The following ACTB variants were observed in gnomAD, a reference collection of about 807,000 sequenced individuals.
ACTB encodes actin beta.
A neutral mutation model predicts 30.5 loss-of-function variants in ACTB; 2 were observed. That is an observed-to-expected ratio of 0.07 (90% confidence interval 0.03 to 0.21). ACTB has a LOEUF of 0.21. Among genes scored for constraint, ACTB ranks in the 10% least tolerant of loss-of-function variants. The probability of loss-of-function intolerance (pLI) is 1.00; values close to 1 mark genes in which losing one functional copy is unlikely to be tolerated. For missense variants in ACTB, 56 were observed against 530.0 expected (o/e 0.11, Z 8.78); for synonymous variants, 335 against 217.6 (o/e 1.54, Z -4.75).
At chr7:5,529,819 C>T (rs563650496) in intron 1 of ACTB, 156 bp from the exon 2 acceptor site, 8 of 1,278,200 alleles carry the variant, frequency 6.3e-6, no homozygotes, top group African/African-American at 3.0e-5. Flanking sequence ...AAAAGGCAAA[C>T]ACTGGTCGGA....
rs11546943 is a variant in ACTB at position 5,529,658 on chromosome 7, G to A, written c.-1C>T. ...CGAGCGCGGCGATATCATCATCCAT[G>A]GTGAGCTGCGAGAATAGCCGGGCGC... On this transcript the variant is annotated 5_prime_UTR_variant, in exon 2 of 6. Coordinates refer to ENST00000646664, the MANE Select transcript of ACTB (RefSeq NM_001101.5). 1.2e-6 allele frequency: 2 copies of A among 1,611,276 alleles called. No individual in the cohort carries two copies. Among genetic ancestry groups the A allele is most frequent in the Admixed American group, 3.3e-5 (2 of 59,986 alleles).
At position 5,527,501 on chromosome 7, in the gene ACTB, A is replaced by T; in HGVS notation, c.*247T>A. 3.2e-6 allele frequency: 2 copies of T among 617,726 alleles called. No homozygotes were observed. Among genetic ancestry groups the T allele is most frequent in the Non-Finnish European group, 2.8e-6 (1 of 362,062 alleles). The allele number at this position is 617,726 out of a possible 1,614,324, so 38.3% of individuals were successfully genotyped here. A position where few individuals can be genotyped will look rare whatever the true frequency, so the allele number is the denominator to read the frequency against. The stretch of plus-strand genomic sequence containing the variant: ...AACAACGCATCTCATATTTGGAATG[A>T]CTATTAAAAAAACAACAATGTGCAA... On this transcript the variant is annotated 3_prime_UTR_variant, in exon 6 of 6. Transcript: ENST00000646664.
At chr7:5,529,837 C>CCGCGGCG (rs1784848180) in intron 1 of ACTB, 174 bp from the exon 2 acceptor site, 1 of 1,108,716 alleles carries the variant, frequency 9.0e-7, no homozygotes, top group Non-Finnish European at 1.3e-6. Context: ...GGAGGCGTCC[C>CCGCGGCG]CGCGGCGCGC....
At chr7:5,529,774 G>A (rs1276411093) in intron 1 of ACTB, 111 bp from the exon 2 acceptor site, 3 of 1,539,124 alleles carry the variant, frequency 1.9e-6, no homozygotes, top group South Asian at 1.1e-5. Flanking sequence ...CCAGATTGGG[G>A]ACAAAGGAAG....
chr7:5,528,787 C>G, intron 3 of ACTB, 68 bp from the exon 4 acceptor site: 2 of 1,568,938 alleles, frequency 1.3e-6, no homozygotes, highest in Non-Finnish European at 1.8e-6. Flanking sequence ...AGACGGGGGA[C>G]ATGCAGAAAG....
chr7:5,529,512 C>T (rs768631365), intron 2 of ACTB, 23 bp downstream of exon 2: 1 of 1,611,704 alleles, frequency 6.2e-7, no homozygotes, highest in Middle Eastern at 1.7e-4. Flanking sequence ...CCCGGGGCTG[C>T]CCCACCCAGC....
Position 5,527,598 on chromosome 7 carries a change from C to A in ACTB, c.*150G>T. Reference sequence around the variant, plus strand: ...ACCGACTGCTGTCACCTTCACCGTTCCAGTTTTTAAATCCTGAGTCAAGCC... The same window carrying A: ...ACCGACTGCTGTCACCTTCACCGTTACAGTTTTTAAATCCTGAGTCAAGCC... On this transcript the variant is annotated 3_prime_UTR_variant, in exon 6 of 6. Transcript: ENST00000646664. 1 of 1,306,258 alleles carries A rather than the reference C, an allele frequency of 7.7e-7. No individual in the cohort carries two copies. The highest frequency in any genetic ancestry group is 1.1e-6 in the Non-Finnish European group (1 of 937,708). The allele number at this position is 1,306,258 out of a possible 1,614,324, so 80.9% of individuals were successfully genotyped here.
intron 1 of ACTB, 162 bp from the exon 2 acceptor site, chr7:5,529,825 T>A (rs1291008720): frequency 8.4e-7 from 1 of 1,188,642 alleles, no homozygotes; most frequent in Non-Finnish European, 1.2e-6. Flanking sequence ...CAAACACTGG[T>A]CGGAGGCGTC....
Position 5,527,357 on chromosome 7 carries a change from A to G in ACTB, c.*391T>C, listed in dbSNP as rs1373201598. 3.7e-6 allele frequency: 1 copy of G among 270,498 alleles called. No individual in the cohort carries two copies. Among genetic ancestry groups the G allele is most frequent in the Non-Finnish European group, 7.2e-6 (1 of 138,666 alleles). 16.8% of individuals were successfully genotyped at this position (270,498 alleles called of 1,614,324 possible). A position where few individuals can be genotyped will look rare whatever the true frequency, so the allele number is the denominator to read the frequency against. On this transcript the variant is annotated 3_prime_UTR_variant, in exon 6 of 6. Coordinates refer to ENST00000646664, the MANE Select transcript of ACTB (RefSeq NM_001101.5). ...AAGGCGAAGATTAAAAAAATTTTGC[A>G]TTACATAATTTACACGAAAGCAATG...
chr7:5,529,011 A>C lies in ACTB; in HGVS notation c.363+150T>G, dbSNP rs754455405. The C allele has an allele frequency of 5.6e-6, 9 of 1,608,026 alleles. No individual in the cohort carries two copies. In the South Asian group the frequency reaches 9.9e-5, roughly 18 times the overall value. Reference sequence around the variant, plus strand: ...AAAAGAGCTCATCTGGGAAAAAGCAAATAGAACCTGCAGAGTTCCAAAGGA... The same window carrying C: ...AAAAGAGCTCATCTGGGAAAAAGCACATAGAACCTGCAGAGTTCCAAAGGA... On this transcript the variant is annotated intron_variant, in intron 3 of 5. Transcript: ENST00000646664.
chr7:5,527,594 C>A lies in ACTB; in HGVS notation c.*154G>T. 2 of 1,266,030 alleles carry A rather than the reference C, an allele frequency of 1.6e-6. No individual in the cohort carries two copies. Among genetic ancestry groups the A allele is most frequent in the Non-Finnish European group, 2.2e-6 (2 of 905,938 alleles). 78.4% of individuals were successfully genotyped at this position (1,266,030 alleles called of 1,614,324 possible). On this transcript the variant is annotated 3_prime_UTR_variant, in exon 6 of 6. Coordinates refer to ENST00000646664, the MANE Select transcript of ACTB (RefSeq NM_001101.5). ...TCCAACCGACTGCTGTCACCTTCACCGTTCCAGTTTTTAAATCCTGAGTCA... is the reference window on the plus strand; with the variant it reads ...TCCAACCGACTGCTGTCACCTTCACAGTTCCAGTTTTTAAATCCTGAGTCA...
At position 5,527,661 on chromosome 7, in the gene ACTB, A is replaced by T; in HGVS notation, c.*87T>A. The T allele has an allele frequency of 6.3e-7, 1 of 1,587,712 alleles. No individual in the cohort carries two copies. The highest frequency in any genetic ancestry group is 8.6e-7 in the Non-Finnish European group (1 of 1,165,292). The stretch of plus-strand genomic sequence containing the variant: ...AAAACCAAAACAAAACAAAAAAAAC[A>T]AATAAAGCCATGCCAATCTCATCTT... On this transcript the variant is annotated 3_prime_UTR_variant, in exon 6 of 6. Coordinates refer to ENST00000646664, the MANE Select transcript of ACTB (RefSeq NM_001101.5).
chr7:5,529,037 G>C (rs1402012903), intron 3 of ACTB, 124 bp downstream of exon 3: 1 of 1,612,446 alleles, frequency 6.2e-7, no homozygotes, highest in African/African-American at 1.3e-5. Context: ...TTCCAAAGGA[G>C]ACTCAGGTCA....
At chr7:5,529,967 C>T (rs1784852786) in intron 1 of ACTB, 3 of 244,124 alleles carry the variant, frequency 1.2e-5, no homozygotes, top group Non-Finnish European at 2.3e-5. Flanking sequence ...CGGCCAGCGG[C>T]TCGGGCAGGA....
chr7:5,527,372 C>G lies in ACTB; in HGVS notation c.*376G>C. 3.3e-6 allele frequency: 1 copy of G among 299,958 alleles called. No homozygotes were observed. Among genetic ancestry groups the G allele is most frequent in the East Asian group, 8.4e-5 (1 of 11,874 alleles). 18.6% of individuals were successfully genotyped at this position (299,958 alleles called of 1,614,324 possible). The stretch of plus-strand genomic sequence containing the variant: ...AAAATTTTGCATTACATAATTTACA[C>G]GAAAGCAATGCTATCACCTCCCCTG... On this transcript the variant is annotated 3_prime_UTR_variant, in exon 6 of 6. Coordinates refer to ENST00000646664, the MANE Select transcript of ACTB (RefSeq NM_001101.5).
intron 1 of ACTB, 66 bp from the exon 2 acceptor site, chr7:5,529,729 G>A (rs543645878): frequency 7.5e-6 from 12 of 1,606,178 alleles, no homozygotes; most frequent in Non-Finnish European, 1.0e-5. Context: ...CCGGCGCGCC[G>A]AGTCCTTAGG....
chr7:5,529,747 G>C (rs1489370211), intron 1 of ACTB, 84 bp from the exon 2 acceptor site: 51 of 1,595,682 alleles, frequency 3.2e-5, no homozygotes, highest in Non-Finnish European at 4.2e-5. Flanking sequence ...AGGCCGCCAG[G>C]GGGCGCCGGC....
chr7:5,528,605 T>C lies in ACTB; in HGVS notation c.478A>G (p.Thr160Ala), dbSNP rs1784814961. The C allele has an allele frequency of 6.2e-7, 1 of 1,613,820 alleles. No individual in the cohort carries two copies. The highest frequency in any genetic ancestry group is 1.7e-5 in the Admixed American group (1 of 60,008). Reference protein sequence around the residue: ...GIVMDSGDGVTHTVPIYEGYA... With the variant: ...GIVMDSGDGVAHTVPIYEGYA... ...CCCTCGTAGATGGGCACAGTGTGGG[T>C]GACCCCGTCACCGGAGTCCATCACG... The change falls in exon 4 of 6, where the codon ACC (threonine) becomes GCC (alanine). Residue 160 changes from threonine (T) to alanine (A), a missense_variant. Transcript: ENST00000646664.
chr7:5,527,953 G>C (rs1194162463), intron 5 of ACTB, 51 bp downstream of exon 5: 3 of 1,613,114 alleles, frequency 1.9e-6, no homozygotes, highest in Non-Finnish European at 2.5e-6. Flanking sequence ...ACACACCACA[G>C]GACCCCACAG....
Sources: gnomAD v4.1 joint callset for allele counts on GRCh38, gnomAD v4.1.1 for gene constraint, MANE v1.5 for transcripts, NCBI Gene and HGNC (gene_info 2026-07-23, HGNC 2026-07-21) for gene names.